Variants in VAC14 observed in about 807,000 individuals in gnomAD.
The protein encoded by VAC14 is VAC14 component of PIKFYVE complex, also known as protein VAC14 homolog.
VAC14 carries 47 observed loss-of-function variants against 85.3 expected under a neutral mutation model. That is an observed-to-expected ratio of 0.55 (90% CI 0.44 to 0.70). The LOEUF is 0.70. Among genes scored for constraint, VAC14 ranks in the 30% least tolerant of loss-of-function variants. The probability of loss-of-function intolerance (pLI) is 0.00; values close to 1 mark genes in which losing one functional copy is unlikely to be tolerated. For missense variants in VAC14, 861 were observed against 1,004.3 expected (o/e 0.86, Z 1.93); for synonymous variants, 447 against 430.5 (o/e 1.04, Z -0.47).
intron 1 of VAC14, among the ~76,000 whole-genome samples, chr16:70,797,037 G>A (rs553114636): frequency 1.2e-4 from 18 of 152,146 alleles, no homozygotes; most frequent in African/African-American, 3.9e-4. Context: ...AGACCAGCCT[G>A]GGCAACATAG....
At chr16:70,711,215 T>C (rs1157587380) in intron 14 of VAC14, among the ~76,000 whole-genome samples, 3 of 152,214 alleles carry the variant, frequency 2.0e-5, no homozygotes, top group Non-Finnish European at 4.4e-5. Flanking sequence ...CCACGATCTG[T>C]ACTCTCAACA....
intron 18 of VAC14, chr16:70,691,550 C>T: frequency 2.0e-6 from 2 of 985,502 alleles, no homozygotes; most frequent in South Asian, 9.4e-5. Context: ...CCCTGCTCCC[C>T]TGGGGACACT....
At chr16:70,690,687 C>T in intron 18 of VAC14, 1 of 985,740 alleles carries the variant, frequency 1.0e-6, no homozygotes, top group Non-Finnish European at 1.2e-6. Context: ...ACCCTGTCTG[C>T]CAGCTGTCTG....
intron 14 of VAC14, among the ~76,000 whole-genome samples, chr16:70,730,565 C>T (rs575454062): frequency 2.3e-4 from 34 of 150,744 alleles, no homozygotes; most frequent in African/African-American, 4.7e-4. Context: ...CCAGGGGTTC[C>T]GATTTCACTC....
At chr16:70,715,742 T>C (rs1419715113) in intron 14 of VAC14, 1 of 152,036 alleles carries the variant, frequency 6.6e-6, no homozygotes, top group African/African-American at 2.4e-5. Flanking sequence ...GGGGGAGGTG[T>C]GGGCTAATGG....
rs1313340185 is a variant in VAC14, at chr16:70,697,264, G to T, written c.1837-7C>A. 1 of 1,611,660 alleles carries T rather than the reference G, an allele frequency of 6.2e-7. No homozygotes were observed. The highest frequency in any genetic ancestry group is 1.1e-5 in the South Asian group (1 of 90,996). On this transcript the variant is annotated splice_region_variant and splice_polypyrimidine_tract_variant and intron_variant, in intron 15 of 18. Transcript: ENST00000261776. Reference sequence around the variant, plus strand: ...AGAACAGGTTCTGGCTCTCCTGTGGGGGAACAGGCATGAGCCGTGAGGACA... The same window carrying T: ...AGAACAGGTTCTGGCTCTCCTGTGGTGGAACAGGCATGAGCCGTGAGGACA...
At chr16:70,764,692 T>C (rs1365922875) in intron 10 of VAC14, among the ~76,000 whole-genome samples, 1 of 152,212 alleles carries the variant, frequency 6.6e-6, no homozygotes, top group East Asian at 1.9e-4. Context: ...AATGTAAACA[T>C]TCCCAACAAA....
chr16:70,746,372 G>A (rs2030890457), intron 12 of VAC14, among the ~76,000 whole-genome samples: 1 of 152,208 alleles, frequency 6.6e-6, no homozygotes, highest in Non-Finnish European at 1.5e-5. Context: ...TCCCACTCAT[G>A]GAGACTGGGA....
intron 18 of VAC14, chr16:70,690,041 A>G (rs1016707694): frequency 2.0e-6 from 2 of 985,370 alleles, no homozygotes; most frequent in African/African-American, 3.5e-5. Context: ...CTGGCAAGCC[A>G]AGGCCTTAGG....
chr16:70,716,583 A>G (rs999986513), intron 14 of VAC14: 1 of 152,282 alleles, frequency 6.6e-6, no homozygotes, highest in Non-Finnish European at 1.5e-5. Flanking sequence ...CAACTGGCCC[A>G]TAAGGTCCCT....
intron 12 of VAC14, among the ~76,000 whole-genome samples, chr16:70,760,384 C>T (rs1413890447): frequency 2.0e-5 from 3 of 152,124 alleles, no homozygotes; most frequent in Non-Finnish European, 2.9e-5. Context: ...AAGTACACAG[C>T]ACACCCTCAG....
chr16:70,781,064 G>T, intron 8 of VAC14, 125 bp from the exon 9 acceptor site: 1 of 1,361,460 alleles, frequency 7.3e-7, no homozygotes, highest in Non-Finnish European at 1.0e-6. Flanking sequence ...CATGGGGGTG[G>T]ATCCCTCACA....
chr16:70,728,904 G>A (rs1004155346), intron 14 of VAC14, among the ~76,000 whole-genome samples: 4 of 152,180 alleles, frequency 2.6e-5, no homozygotes, highest in South Asian at 2.1e-4. Context: ...GGAACATTCC[G>A]CTGCTTTCCT....
At chr16:70,700,656 G>A (rs2053807253) in intron 14 of VAC14, among the ~76,000 whole-genome samples, 1 of 152,156 alleles carries the variant, frequency 6.6e-6, no homozygotes, top group African/African-American at 2.4e-5. Flanking sequence ...CAAGCCAAAG[G>A]CCAGGAGGTG....
chr16:70,715,080 C>T (rs2054132911), intron 14 of VAC14: 1 of 152,284 alleles, frequency 6.6e-6, no homozygotes, highest in African/African-American at 2.4e-5. Context: ...CTTCAGCCCT[C>T]CACTGGCTCA....
chr16:70,747,832 T>G (rs2031042291), intron 12 of VAC14: 1 of 152,112 alleles, frequency 6.6e-6, no homozygotes, highest in South Asian at 2.1e-4. Context: ...AGGCCAGCAC[T>G]CGGCAAGATC....
In VAC14 at chr16:70,698,673, G is replaced by C; in HGVS notation, c.1800C>G (p.Phe600Leu). ...NTILLTSTEL[F>L]QLRNQLKDLK... is the part of the protein sequence containing the mutation. ...GGTCCTTCAGCTGGTTCCTTAGCTGGAAGAGCTCTGTGGAGGTCAGCAGGA... is the reference window on the plus strand; with the variant it reads ...GGTCCTTCAGCTGGTTCCTTAGCTGCAAGAGCTCTGTGGAGGTCAGCAGGA... The change falls in exon 15 of 19, where the codon TTC becomes TTG. Residue 600 changes from phenylalanine (F) to leucine (L), a missense_variant. By Grantham distance (22) the Phe-to-Leu change is conservative (BLOSUM62 0). Coordinates refer to ENST00000261776, the MANE Select transcript of VAC14 (RefSeq NM_018052.5). 1 of 1,614,186 alleles carries C rather than the reference G, an allele frequency of 6.2e-7. No homozygotes were observed. The highest frequency in any genetic ancestry group is 8.5e-7 in the Non-Finnish European group (1 of 1,180,012).
intron 13 of VAC14, 37 bp from the exon 14 acceptor site, chr16:70,731,664 T>G: frequency 6.2e-7 from 1 of 1,608,042 alleles, no homozygotes; most frequent in Non-Finnish European, 8.5e-7. Context: ...TTTATTCTGA[T>G]TATGTGTCCA....
At chr16:70,799,228 T>C (rs1281569178) in intron 1 of VAC14, among the ~76,000 whole-genome samples, 1 of 152,298 alleles carries the variant, frequency 6.6e-6, no homozygotes, top group South Asian at 2.1e-4. Context: ...CAAAACCCCA[T>C]GGACACGGAA....
Sources: gnomAD v4.1 joint callset for allele counts (sites outside exome capture counted in the v4.1 genomes callset) on GRCh38, gnomAD v4.1.1 for gene constraint, MANE v1.5 for transcripts, NCBI Gene and HGNC (gene_info 2026-07-23, HGNC 2026-07-21) for gene names.